CAMLG: variants seen among roughly 807,000 people sequenced by gnomAD.
CAMLG encodes calcium modulating ligand, also known as guided entry of tail-anchored proteins factor CAMLG.
A neutral mutation model predicts 28.9 loss-of-function variants in CAMLG; 23 were observed. The ratio of observed to expected loss-of-function variants is 0.80; its 90% CI spans 0.57 to 1.13. The LOEUF (loss-of-function observed/expected upper bound fraction) is 1.13. CAMLG is among the 50% of genes most tolerant of loss of function. The pLI is 0.00. For missense variants in CAMLG, 367 were observed against 371.9 expected (o/e 0.99, Z 0.11); for synonymous variants, 141 against 146.5 (o/e 0.96, Z 0.27).
intron 2 of CAMLG, among the ~76,000 whole-genome samples, 187 bp from the exon 3 acceptor site, chr5:134,743,800 A>G (rs1293221036): frequency 6.7e-6 from 1 of 149,638 alleles, no homozygotes; most frequent in Admixed American, 6.7e-5. Context: ...TGGGAGGTGG[A>G]TGTTGCCATG....
At chr5:134,740,897 G>C (rs558353856) in intron 1 of CAMLG, among the ~76,000 whole-genome samples, 166 bp from the exon 2 acceptor site, 8 of 152,294 alleles carry the variant, frequency 5.3e-5, no homozygotes, top group African/African-American at 1.9e-4. Flanking sequence ...CGTGAGCCAC[G>C]GCACCTGGCC....
At chr5:134,742,310 G>A (rs1481167439) in intron 2 of CAMLG, among the ~76,000 whole-genome samples, 12 of 152,008 alleles carry the variant, frequency 7.9e-5, no homozygotes. Context: ...GAATCCATTG[G>A]GAAATGAAGA....
intron 3 of CAMLG, among the ~76,000 whole-genome samples, chr5:134,746,695 T>C (rs886346907): frequency 1.6e-4 from 24 of 152,108 alleles, no homozygotes; most frequent in Admixed American, 6.5e-4. Flanking sequence ...CAGTCTGGTC[T>C]GGAACTCCCA....
rs188626944 is a variant in CAMLG at position 134,741,285 on chromosome 5, G to A, written c.395G>A (p.Arg132Gln). The A allele has an allele frequency of 8.1e-6, 13 of 1,614,144 alleles. No homozygotes were observed. Among genetic ancestry groups the A allele is most frequent in the South Asian group, 4.4e-5 (4 of 91,078 alleles). ...AGTAGTGATGTCAACCTTGAGCTCC[G>A]GCAGCGGAACAGAGGGGACCTGACA... ...ECSSDVNLELRQRNRGDLTAD... is the reference protein window; with the variant it reads ...ECSSDVNLELQQRNRGDLTAD... The change falls in exon 2 of 4, where the codon CGG becomes CAG. Residue 132 changes from arginine (R) to glutamine (Q), a missense_variant. Physicochemically the swap from Arg to Gln is conservative, Grantham distance 43 (BLOSUM62 1). Transcript: ENST00000297156.
In CAMLG at chr5:134,741,136, A is replaced by G. The variant is rs755158191; in HGVS notation, c.246A>G (p.Ser82=). ...ACTCCCTCAGCGTTCCTTCCGTTTC[A>G]AAGCGAGTAGTGCTGGGTGATTCAG... ...KLNSLSVPSV[S]KRVVLGDSVS... The change falls in exon 2 of 4, where the codon TCA becomes TCG. Residue 82 remains serine (S), a synonymous_variant. Coordinates refer to ENST00000297156, the MANE Select transcript of CAMLG (RefSeq NM_001745.4). The G allele has an allele frequency of 2.5e-6, 4 of 1,614,182 alleles. No homozygotes were observed. Among genetic ancestry groups the G allele is most frequent in the Admixed American group, 1.7e-5 (1 of 60,018 alleles).
intron 3 of CAMLG, among the ~76,000 whole-genome samples, chr5:134,750,194 T>A (rs1410843630): frequency 1.3e-5 from 2 of 152,220 alleles, no homozygotes; most frequent in Admixed American, 6.6e-5. Context: ...GTATATATCA[T>A]AAATTGTTAT....
At chr5:134,740,886 G>A (rs1752974118) in intron 1 of CAMLG, among the ~76,000 whole-genome samples, 177 bp from the exon 2 acceptor site, 1 of 152,198 alleles carries the variant, frequency 6.6e-6, no homozygotes. Flanking sequence ...GGGATTACAG[G>A]CGTGAGCCAC....
At chr5:134,746,137 C>CAAAAA (rs1156938843) in intron 3 of CAMLG, among the ~76,000 whole-genome samples, 1 of 77,126 alleles carries the variant, frequency 1.3e-5, no homozygotes, top group African/African-American at 5.6e-5. Flanking sequence ...AACTCCATCT[C>CAAAAA]AAAAAAAAAA....
At chr5:134,740,042 A>T (rs1354013184) in intron 1 of CAMLG, among the ~76,000 whole-genome samples, 3 of 151,904 alleles carry the variant, frequency 2.0e-5, no homozygotes, top group Non-Finnish European at 4.4e-5. Flanking sequence ...TGCCTGGCTA[A>T]TTTAAAAAAA....
intron 3 of CAMLG, among the ~76,000 whole-genome samples, chr5:134,746,137 C>CAAAAAAAA (rs1156938843): frequency 1.3e-5 from 1 of 77,136 alleles, no homozygotes; most frequent in Non-Finnish European, 2.4e-5. Context: ...AACTCCATCT[C>CAAAAAAAA]AAAAAAAAAA....
At chr5:134,748,136 A>G (rs2150122308) in intron 3 of CAMLG, among the ~76,000 whole-genome samples, 1 of 152,234 alleles carries the variant, frequency 6.6e-6, no homozygotes, top group African/African-American at 2.4e-5. Context: ...TGCTAGAATT[A>G]GCTGGTCTCT....
chr5:134,746,557 C>T (rs1420167972), intron 3 of CAMLG, among the ~76,000 whole-genome samples: 2 of 152,046 alleles, frequency 1.3e-5, no homozygotes, highest in Non-Finnish European at 2.9e-5. Context: ...TCTCAGCTCA[C>T]TGCAGCCTCC....
At chr5:134,743,624 T>C (rs1011645344) in intron 2 of CAMLG, among the ~76,000 whole-genome samples, 2 of 150,624 alleles carry the variant, frequency 1.3e-5, no homozygotes, top group South Asian at 2.1e-4. Context: ...TCCCAGCATG[T>C]TGGGAGGCCG....
At chr5:134,747,339 T>C (rs1753061026) in intron 3 of CAMLG, among the ~76,000 whole-genome samples, 1 of 152,072 alleles carries the variant, frequency 6.6e-6, no homozygotes, top group Admixed American at 6.6e-5. Context: ...CAATTTACTG[T>C]TTTAAGGTTC....
chr5:134,751,017 C>A lies in CAMLG; in HGVS notation c.*67C>A. On this transcript the variant is annotated 3_prime_UTR_variant, in exon 4 of 4. Coordinates refer to ENST00000297156, the MANE Select transcript of CAMLG (RefSeq NM_001745.4). The stretch of plus-strand genomic sequence containing the variant: ...AATCCTCTTCTATATTGCAGTGTCT[C>A]TAAAGGAGGCAAATTGGTTTACACC... 8.2e-7 allele frequency: 1 copy of A among 1,217,960 alleles called. No individual in the cohort carries two copies. The highest frequency in any genetic ancestry group is 1.4e-5 in the South Asian group (1 of 69,352). 75.4% of individuals were successfully genotyped at this position (1,217,960 alleles called of 1,614,324 possible). A position where few individuals can be genotyped will look rare whatever the true frequency, so the allele number is the denominator to read the frequency against.
At chr5:134,739,354 G>C (rs1018434266) in intron 1 of CAMLG, among the ~76,000 whole-genome samples, 1 of 152,118 alleles carries the variant, frequency 6.6e-6, no homozygotes. Flanking sequence ...CGTCAACACT[G>C]TCACCTACGG....
chr5:134,749,415 T>C (rs576857914), intron 3 of CAMLG, among the ~76,000 whole-genome samples: 1 of 152,226 alleles, frequency 6.6e-6, no homozygotes, highest in Non-Finnish European at 1.5e-5. Context: ...TATGATTGGA[T>C]TTTGTGATAA....
rs979701065 is a variant in CAMLG, at chr5:134,746,166, G to A, written c.699+2114G>A. 4.8e-5 allele frequency among the ~76,000 whole-genome samples: 7 copies of A among 147,198 alleles called. No homozygotes were observed. In the Admixed American group the frequency reaches 4.8e-4, roughly 10 times the overall value. On this transcript the variant is annotated intron_variant, in intron 3 of 3. Transcript: ENST00000297156. ...AAAAAAAAAAAAAAAAAATTATAAC[G>A]TATCTATTCAGAATGAAGATGCTCT...
In CAMLG at chr5:134,744,031, A is replaced by C. The variant is rs780768909; in HGVS notation, c.678A>C (p.Gly226=). 1.4e-6 allele frequency: 2 copies of C among 1,427,454 alleles called. No homozygotes were observed. Among genetic ancestry groups the C allele is most frequent in the Non-Finnish European group, 2.0e-6 (2 of 1,013,416 alleles). The allele number at this position is 1,427,454 out of a possible 1,614,324, so 88.4% of individuals were successfully genotyped here. A position where few individuals can be genotyped will look rare whatever the true frequency, so the allele number is the denominator to read the frequency against. ...PFLTLQLAYM[G]LYKYFPKSEK... is the part of the protein sequence containing the mutation. The stretch of plus-strand genomic sequence containing the variant: ...TTACTTTACAACTTGCGTACATGGG[A>C]TTATACAAATATTTTCCCAAGGTAA... The change falls in exon 3 of 4, where the codon GGA becomes GGC. Residue 226 remains glycine, a synonymous_variant. Coordinates refer to ENST00000297156, the MANE Select transcript of CAMLG (RefSeq NM_001745.4).
Sources: allele counts gnomAD v4.1 joint callset (sites outside exome capture counted in the v4.1 genomes callset), GRCh38; gene constraint gnomAD v4.1.1; transcripts MANE v1.5; gene names NCBI Gene and HGNC (gene_info 2026-07-23, HGNC 2026-07-21).